Variants in PAPPA2 observed in about 807,000 individuals in gnomAD.
PAPPA2 encodes the protein pappalysin-2.
PAPPA2 carries 86 observed loss-of-function variants against 176.4 expected under a neutral mutation model. The observed-to-expected ratio is 0.49, with a 90% CI of 0.41 to 0.58. The LOEUF (loss-of-function observed/expected upper bound fraction) is 0.58, where lower values mean the gene tolerates loss of function less well. Ranked by LOEUF, PAPPA2 falls within the 20% of genes least tolerant of loss-of-function variation. The pLI is 0.00. For synonymous variants in PAPPA2, 809 were observed against 852.2 expected, an observed-to-expected ratio of 0.95 and a Z score of 0.88; for missense variants, 2,073 against 2,256.9, an observed-to-expected ratio of 0.92 and a Z score of 1.65.
At chr1:176,818,282 A>G (rs1390040850) in intron 21 of PAPPA2, among the ~76,000 whole-genome samples, 1 of 152,212 alleles carries the variant, frequency 6.6e-6, no homozygotes, top group Non-Finnish European at 1.5e-5. Flanking sequence ...AAGAGAAGAT[A>G]TAAGGGATTA....
chr1:176,834,685 G>C (rs2102987643), intron 21 of PAPPA2, among the ~76,000 whole-genome samples: 1 of 152,286 alleles, frequency 6.6e-6, no homozygotes, highest in Admixed American at 6.5e-5. Context: ...GAGTGAAGTT[G>C]TGGGCTGGGT....
chr1:176,604,556 T>G (rs1654509910), intron 3 of PAPPA2, among the ~76,000 whole-genome samples: 1 of 152,242 alleles, frequency 6.6e-6, no homozygotes, highest in Non-Finnish European at 1.5e-5. Context: ...GTTTACATAT[T>G]GTCTATGGCT....
chr1:176,799,991 G>T (rs1665606872), intron 20 of PAPPA2, 70 bp from the exon 21 acceptor site: 1 of 1,516,184 alleles, frequency 6.6e-7, no homozygotes. Flanking sequence ...GTGAGCTCAG[G>T]ATTTGCCCCT....
intron 21 of PAPPA2, among the ~76,000 whole-genome samples, chr1:176,823,549 A>G (rs78662341): frequency 1.6e-3 from 239 of 152,336 alleles, no homozygotes; most frequent in African/African-American, 5.3e-3. Flanking sequence ...GTGATTTACC[A>G]TTACTTTTCT....
At chr1:176,533,308 C>T (rs1649910089) in intron 1 of PAPPA2, among the ~76,000 whole-genome samples, 2 of 152,222 alleles carry the variant, frequency 1.3e-5, no homozygotes, top group Admixed American at 6.5e-5. Context: ...GGAGCAAGTA[C>T]ATGGTTCTGC....
chr1:176,557,073 G>A lies in PAPPA2; in HGVS notation c.751G>A (p.Ala251Thr). 1 of 1,614,096 alleles carries A rather than the reference G, an allele frequency of 6.2e-7. No homozygotes were observed. Among genetic ancestry groups the A allele is most frequent in the East Asian group, 2.2e-5 (1 of 44,864 alleles). The change falls in exon 2 of 23, where the codon GCA (alanine) becomes ACA (threonine). Residue 251 changes from alanine (A) to threonine (T), a missense_variant. Coordinates refer to ENST00000367662, the MANE Select transcript of PAPPA2 (RefSeq NM_020318.3). ...TGGTGGAGAGGGCTCCTACCGAGAA[G>A]CAGAGACCTTTAACTCCCAAGTAGG... ...QNGGEGSYRE[A>T]ETFNSQVGLP... is the part of the protein sequence containing the mutation.
Position 176,711,921 on chromosome 1 carries a change from G to C in PAPPA2, c.3738G>C (p.Gln1246His), listed in dbSNP as rs1162352464. The change falls in exon 12 of 23, where the codon CAG becomes CAC. Residue 1246 changes from glutamine (Q) to histidine (H), a missense_variant. Gln to His is a conservative substitution (Grantham distance 24, BLOSUM62 0). Coordinates refer to ENST00000367662, the MANE Select transcript of PAPPA2 (RefSeq NM_020318.3). ...GTGTTGCCAGTGAAAATGAAACTCA[G>C]GATGACAGGAGTGAACAGCCAGAAG... The part of the protein sequence containing the change: ...FPCVASENET[Q>H]DDRSEQPEGS... 1 of 1,613,718 alleles carries C rather than the reference G, an allele frequency of 6.2e-7. No homozygotes were observed. The highest frequency in any genetic ancestry group is 1.3e-5 in the African/African-American group (1 of 74,874).
intron 3 of PAPPA2, among the ~76,000 whole-genome samples, chr1:176,658,882 G>T (rs1424147441): frequency 1.3e-5 from 2 of 151,944 alleles, no homozygotes; most frequent in Non-Finnish European, 2.9e-5. Flanking sequence ...ATTAGAGGCA[G>T]AAAAATAAGA....
chr1:176,534,515 G>A (rs1419696060), intron 1 of PAPPA2, among the ~76,000 whole-genome samples: 1 of 152,198 alleles, frequency 6.6e-6, no homozygotes, highest in Non-Finnish European at 1.5e-5. Flanking sequence ...AGATAAGAAA[G>A]AGGTAAGAAA....
chr1:176,518,812 C>T (rs1234979365), intron 1 of PAPPA2, among the ~76,000 whole-genome samples: 1 of 151,966 alleles, frequency 6.6e-6, no homozygotes, highest in Non-Finnish European at 1.5e-5. Context: ...CTGCCTTAGG[C>T]TCAATAGGAA....
chr1:176,842,510 G>A lies in PAPPA2; in HGVS notation c.*56G>A. 19 of 1,459,200 alleles carry A rather than the reference G, an allele frequency of 1.3e-5. No homozygotes were observed. Among genetic ancestry groups the A allele is most frequent in the Admixed American group, 3.5e-5 (2 of 57,708 alleles). 90.4% of individuals were successfully genotyped at this position (1,459,200 alleles called of 1,614,324 possible). On this transcript the variant is annotated 3_prime_UTR_variant, in exon 23 of 23. Coordinates refer to ENST00000367662, the MANE Select transcript of PAPPA2 (RefSeq NM_020318.3). ...TCAGAGGCAGTAAGAAAGAGAGGCC[G>A]ACCCAGGAGGAAACAAAGGGTGAAT...
chr1:176,511,738 T>G (rs946168261), intron 1 of PAPPA2, among the ~76,000 whole-genome samples: 8 of 152,162 alleles, frequency 5.3e-5, no homozygotes, highest in Non-Finnish European at 8.8e-5. Context: ...TTGCTCTCTC[T>G]GCTTTAGCTT....
At chr1:176,792,601 T>C (rs1665230465) in intron 19 of PAPPA2, among the ~76,000 whole-genome samples, 1 of 152,154 alleles carries the variant, frequency 6.6e-6, no homozygotes. Flanking sequence ...GTTTTAAAAG[T>C]CACTGAACCC....
intron 14 of PAPPA2, among the ~76,000 whole-genome samples, chr1:176,750,877 A>G (rs1663142205): frequency 6.6e-6 from 1 of 152,184 alleles, no homozygotes; most frequent in Non-Finnish European, 1.5e-5. Flanking sequence ...CAAAGCAAAA[A>G]TCCTTGAACT....
intron 1 of PAPPA2, among the ~76,000 whole-genome samples, chr1:176,542,689 G>C (rs1348205363): frequency 6.6e-6 from 1 of 152,156 alleles, no homozygotes; most frequent in African/African-American, 2.4e-5. Context: ...ACAAGCTTAC[G>C]GGCTCAGACT....
At chr1:176,810,788 A>G (rs949331356) in intron 21 of PAPPA2, among the ~76,000 whole-genome samples, 1 of 152,210 alleles carries the variant, frequency 6.6e-6, no homozygotes, top group Non-Finnish European at 1.5e-5. Flanking sequence ...CAGTTTTACC[A>G]GGCCTTTCAG....
chr1:176,480,498 C>A (rs530679302), intron 1 of PAPPA2, among the ~76,000 whole-genome samples: 11 of 152,138 alleles, frequency 7.2e-5, no homozygotes, highest in African/African-American at 2.6e-4. Context: ...AGAATTCCAC[C>A]CCACCTTAAG....
chr1:176,620,439 T>C (rs1655520182), intron 3 of PAPPA2, among the ~76,000 whole-genome samples: 2 of 152,190 alleles, frequency 1.3e-5, no homozygotes, highest in African/African-American at 4.8e-5. Flanking sequence ...TTTCTGAGTT[T>C]CCTTTTTCAA....
chr1:176,722,458 A>T (rs1661671162), intron 12 of PAPPA2, among the ~76,000 whole-genome samples: 2 of 142,440 alleles, frequency 1.4e-5, no homozygotes, highest in African/African-American at 2.6e-5. Context: ...CTTTCTTCTA[A>T]GGCCTGGCTC....
Sources: gnomAD v4.1 joint callset for allele counts (sites outside exome capture counted in the v4.1 genomes callset) on GRCh38, gnomAD v4.1.1 for gene constraint, MANE v1.5 for transcripts, NCBI Gene and HGNC (gene_info 2026-07-23, HGNC 2026-07-21) for gene names.